GTF2E2: variants seen among roughly 807,000 people sequenced by gnomAD.
GTF2E2 encodes general transcription factor IIE subunit 2, also known as transcription initiation factor IIE subunit beta.
A neutral mutation model predicts 40.5 loss-of-function variants in GTF2E2; 21 were observed. The observed-to-expected ratio is 0.52, with a 90% CI of 0.37 to 0.75. The LOEUF (loss-of-function observed/expected upper bound fraction) is 0.75, where lower values mean the gene tolerates loss of function less well. Ranked by LOEUF, GTF2E2 falls within the 30% of genes least tolerant of loss-of-function variation. The pLI, the probability that GTF2E2 is intolerant of heterozygous loss-of-function variation, is 0.00. For synonymous variants in GTF2E2, 117 were observed against 121.6 expected (o/e 0.96, Z 0.25); for missense variants, 298 against 338.4 (o/e 0.88, Z 0.94).
chr8:30,653,395 T>G, intron 2 of GTF2E2, 38 bp downstream of exon 2: 3 of 1,533,940 alleles, frequency 2.0e-6, no homozygotes. Flanking sequence ...CTGAATAATC[T>G]GAATAAAAAC....
rs534285937 is a variant in GTF2E2 at position 30,606,784 on chromosome 8, T to G, written c.643+273A>C. Among the ~76,000 whole-genome samples, 9 of 152,282 alleles carry G rather than the reference T, an allele frequency of 5.9e-5. No homozygotes were observed. In the East Asian group the frequency reaches 1.5e-3, roughly 26 times the overall value. ...TTGTAAAAGTCTAAAGATAAAGAAATAAACCCGTTTGGTTCAGTTGAGCTA... is the reference window on the plus strand; with the variant it reads ...TTGTAAAAGTCTAAAGATAAAGAAAGAAACCCGTTTGGTTCAGTTGAGCTA... On this transcript the variant is annotated intron_variant, in intron 6 of 7. Transcript: ENST00000355904.
chr8:30,606,579 A>C (rs1254737525), intron 6 of GTF2E2, among the ~76,000 whole-genome samples: 2 of 152,222 alleles, frequency 1.3e-5, no homozygotes, highest in Non-Finnish European at 2.9e-5. Flanking sequence ...ACTTAGTAAG[A>C]GATTCAATAT....
intron 6 of GTF2E2, among the ~76,000 whole-genome samples, chr8:30,598,093 T>A (rs1349532178): frequency 6.6e-6 from 1 of 152,232 alleles, no homozygotes; most frequent in African/African-American, 2.4e-5. Context: ...TTAGAATATG[T>A]ATTACATATC....
At chr8:30,609,646 A>C (rs1256298266) in intron 5 of GTF2E2, among the ~76,000 whole-genome samples, 1 of 152,124 alleles carries the variant, frequency 6.6e-6, no homozygotes, top group East Asian at 1.9e-4. Context: ...CCATCCAAAA[A>C]TTTATATCAA....
intron 3 of GTF2E2, among the ~76,000 whole-genome samples, chr8:30,627,253 ATTTT>A (rs1361525951): frequency 6.6e-6 from 1 of 152,064 alleles, no homozygotes; most frequent in Non-Finnish European, 1.5e-5. Context: ...TGTCTTGTAA[ATTTT>A]TTTAAACAAT....
chr8:30,583,625 C>A (rs925295117), intron 6 of GTF2E2, among the ~76,000 whole-genome samples: 3 of 152,120 alleles, frequency 2.0e-5, no homozygotes, highest in Non-Finnish European at 2.9e-5. Flanking sequence ...AGCGATCCAC[C>A]TGCCTTGGCC....
intron 5 of GTF2E2, among the ~76,000 whole-genome samples, chr8:30,609,506 G>A (rs1023326838): frequency 3.9e-5 from 6 of 152,036 alleles, no homozygotes; most frequent in African/African-American, 1.4e-4. Context: ...TTAAAGACAT[G>A]AATAAATGAA....
intron 6 of GTF2E2, among the ~76,000 whole-genome samples, chr8:30,598,058 A>G (rs1829062768): frequency 6.6e-6 from 1 of 152,224 alleles, no homozygotes; most frequent in Non-Finnish European, 1.5e-5. Flanking sequence ...TAATTTATCA[A>G]CATGTGAAAA....
intron 6 of GTF2E2, among the ~76,000 whole-genome samples, chr8:30,603,701 C>A (rs1384488491): frequency 1.3e-5 from 2 of 152,106 alleles, no homozygotes; most frequent in Non-Finnish European, 2.9e-5. Context: ...GATGTTTGCT[C>A]AGTCACTGCT....
chr8:30,653,680 A>C (rs1266782602), intron 1 of GTF2E2, 78 bp from the exon 2 acceptor site: 3 of 975,686 alleles, frequency 3.1e-6, no homozygotes, highest in Non-Finnish European at 4.7e-6. Flanking sequence ...GATCTCAACA[A>C]GTTACTTCCC....
intron 1 of GTF2E2, among the ~76,000 whole-genome samples, chr8:30,656,241 GTA>G (rs1323653093): frequency 6.6e-6 from 1 of 152,148 alleles, no homozygotes; most frequent in Non-Finnish European, 1.5e-5. Context: ...GAGAAAATGT[GTA>G]TGTTATTTTT....
chr8:30,599,564 G>A (rs1197138778), intron 6 of GTF2E2, among the ~76,000 whole-genome samples: 1 of 137,550 alleles, frequency 7.3e-6, no homozygotes, highest in African/African-American at 2.8e-5. Context: ...GGGCAACAGA[G>A]CGAGAGTTTG....
At chr8:30,600,717 A>T (rs1294803545) in intron 6 of GTF2E2, among the ~76,000 whole-genome samples, 1 of 152,362 alleles carries the variant, frequency 6.6e-6, no homozygotes, top group East Asian at 1.9e-4. Context: ...TGACTTAAGG[A>T]AAGAAATGCC....
At chr8:30,594,557 A>T (rs1354742968) in intron 6 of GTF2E2, among the ~76,000 whole-genome samples, 3 of 150,498 alleles carry the variant, frequency 2.0e-5, no homozygotes, top group East Asian at 2.0e-4. Context: ...GGATCTTTAA[A>T]AAAAAAAAAA....
chr8:30,582,332 TTC>T (rs1828538970), intron 6 of GTF2E2, among the ~76,000 whole-genome samples: 1 of 152,236 alleles, frequency 6.6e-6, no homozygotes, highest in African/African-American at 2.4e-5. Context: ...GCCTATATTT[TTC>T]TTTTTACATT....
chr8:30,652,342 G>C (rs1443063535), intron 2 of GTF2E2, among the ~76,000 whole-genome samples: 2 of 151,992 alleles, frequency 1.3e-5, no homozygotes, highest in Non-Finnish European at 2.9e-5. Context: ...ATGGTAGCCA[G>C]AATATATGAA....
At chr8:30,653,727 T>G in intron 1 of GTF2E2, 125 bp from the exon 2 acceptor site, 1 of 655,682 alleles carries the variant, frequency 1.5e-6, no homozygotes, top group East Asian at 2.7e-5. Context: ...TCTCTAGCAC[T>G]TGCATTTATT....
chr8:30,580,108 A>C (rs1019360678), intron 7 of GTF2E2, among the ~76,000 whole-genome samples, 173 bp downstream of exon 7: 2 of 152,136 alleles, frequency 1.3e-5, no homozygotes, highest in African/African-American at 4.8e-5. Context: ...ACAGGCCTGG[A>C]GCAGCACCGA....
chr8:30,607,292 G>T, intron 5 of GTF2E2, 142 bp from the exon 6 acceptor site: 1 of 420,276 alleles, frequency 2.4e-6, no homozygotes. Flanking sequence ...TAGGTCCACT[G>T]GACCCAATTT....
Sources: allele counts gnomAD v4.1 joint callset (sites outside exome capture counted in the v4.1 genomes callset), GRCh38; gene constraint gnomAD v4.1.1; transcripts MANE v1.5; gene names NCBI Gene and HGNC (gene_info 2026-07-23, HGNC 2026-07-21).